Variants in INTS1 observed in about 807,000 individuals in gnomAD.
INTS1 encodes integrator complex subunit 1.
Under a neutral mutation model 241.6 loss-of-function variants are expected in INTS1, and 137 were observed. The observed-to-expected ratio is 0.57, with a 90% CI of 0.49 to 0.65. INTS1 has a LOEUF of 0.65. Among genes scored for constraint, INTS1 ranks in the 30% least tolerant of loss-of-function variants. INTS1 has a pLI of 0.00. For missense variants in INTS1, 3,073 were observed against 3,032.2 expected (o/e 1.01, Z -0.32); for synonymous variants, 1,692 against 1,337.8 (o/e 1.26, Z -5.78).
In INTS1 at chr7:1,470,680, A is replaced by C; in HGVS notation, c.6470T>G (p.Val2157Gly). Reference protein sequence around the residue: ...YALLCQEHAAVLLHRAFLVGM... With the variant: ...YALLCQEHAAGLLHRAFLVGM... The stretch of plus-strand genomic sequence containing the variant: ...CACCAGGAAGGCCCGGTGGAGCAGC[A>C]CAGCCGCGTGCTCTGTGGGGGAAAC... The change falls in exon 48 of 48, where the codon GTG becomes GGG. Residue 2157 changes from valine to glycine, a missense_variant. Coordinates refer to ENST00000404767, the MANE Select transcript of INTS1 (RefSeq NM_001080453.3). 4 of 1,562,426 alleles carry C rather than the reference A, an allele frequency of 2.6e-6. No homozygotes were observed. The highest frequency in any genetic ancestry group is 3.5e-6 in the Non-Finnish European group (4 of 1,154,376).
intron 17 of INTS1, 32 bp downstream of exon 17, chr7:1,489,559 G>A (rs762508708): frequency 9.1e-6 from 14 of 1,537,446 alleles, no homozygotes; most frequent in Middle Eastern, 3.4e-4. Flanking sequence ...GCAGGGCCAC[G>A]TGTGCGCATG....
chr7:1,484,627 G>T (rs1054455919), intron 24 of INTS1, among the ~76,000 whole-genome samples: 1 of 152,198 alleles, frequency 6.6e-6, no homozygotes, highest in Non-Finnish European at 1.5e-5. Flanking sequence ...CAGCGGGCAG[G>T]TGCCCAGCGA....
chr7:1,472,482 T>C, intron 43 of INTS1, 96 bp from the exon 44 acceptor site: 1 of 839,752 alleles, frequency 1.2e-6, no homozygotes, highest in South Asian at 1.8e-5. Flanking sequence ...CGGCGGCCAC[T>C]GCCCAGGCTC....
Position 1,499,979 on chromosome 7 carries a change from T to C in INTS1, c.589A>G (p.Lys197Glu). ...GACACCAGGCTGTTCCCCTTGGCCT[T>C]GAAGTTGATGGAGGCGTCCCGCCGC... is the stretch of plus-strand genomic sequence containing the variant. ...LLRRDASINF[K>E]AKGNSLVSVL... is the part of the protein sequence containing the mutation. The change falls in exon 5 of 48, where the codon AAG (lysine) becomes GAG (glutamate). Residue 197 changes from lysine to glutamate, a missense_variant. Lys to Glu is a moderately conservative substitution (Grantham distance 56). Transcript: ENST00000404767. 6.2e-7 allele frequency: 1 copy of C among 1,613,430 alleles called. No individual in the cohort carries two copies. The highest frequency in any genetic ancestry group is 1.1e-5 in the South Asian group (1 of 91,080).
intron 3 of INTS1, 132 bp downstream of exon 3, chr7:1,502,769 C>T: frequency 1.0e-5 from 10 of 986,158 alleles, no homozygotes; most frequent in Non-Finnish European, 1.5e-5. Context: ...CAAGAACAAG[C>T]CACAAACATC....
At position 1,473,075 on chromosome 7, in the gene INTS1, C is replaced by G. The variant is rs771242339; in HGVS notation, c.6067G>C (p.Glu2023Gln). The part of the protein sequence containing the change: ...RTDRGLDEEG[E>Q]EESSAGSLPL... ...AGCCCCTGGCAGCCCCACTCACCCTCGCCCTCTTCGTCCAGGCCTCGGTCG... is the reference window on the plus strand; with the variant it reads ...AGCCCCTGGCAGCCCCACTCACCCTGGCCCTCTTCGTCCAGGCCTCGGTCG... Residue 2023 changes from glutamate (E) to glutamine (Q), a missense_variant, in exon 43 of 48, where the codon GAG becomes CAG. By Grantham distance (29) the Glu-to-Gln change is conservative. Transcript: ENST00000404767. 1 of 1,599,716 alleles carries G rather than the reference C, an allele frequency of 6.3e-7. No homozygotes were observed. The highest frequency in any genetic ancestry group is 8.5e-7 in the Non-Finnish European group (1 of 1,170,856).
At chr7:1,490,281 C>G (rs1782483637) in intron 16 of INTS1, among the ~76,000 whole-genome samples, 1 of 152,220 alleles carries the variant, frequency 6.6e-6, no homozygotes, top group Non-Finnish European at 1.5e-5. Flanking sequence ...ACTCCAAACG[C>G]TACTGAAAGG....
chr7:1,496,942 T>G (rs1434443826), intron 11 of INTS1, among the ~76,000 whole-genome samples, 196 bp downstream of exon 11: 5 of 152,034 alleles, frequency 3.3e-5, no homozygotes, highest in African/African-American at 1.2e-4. Context: ...GGTCAGCCCC[T>G]CATAGGTCCT....
rs568798654 is a variant in INTS1 at position 1,473,386 on chromosome 7, A to T, written c.5957+180T>A. 2.0e-5 allele frequency among the ~76,000 whole-genome samples: 3 copies of T among 152,238 alleles called. No individual in the cohort carries two copies. In the South Asian group the frequency reaches 6.2e-4, roughly 32 times the overall value. On this transcript the variant is annotated intron_variant, in intron 42 of 47. Transcript: ENST00000404767. ...CAGAGAGCTGCAGGGGTGGGTTCAG[A>T]CGGCTTCGGCACAGGGTGGGGCGGC...
intron 16 of INTS1, among the ~76,000 whole-genome samples, chr7:1,490,022 A>G (rs1362716204): frequency 6.6e-6 from 1 of 152,228 alleles, no homozygotes; most frequent in Non-Finnish European, 1.5e-5. Context: ...AGATGGAATT[A>G]TTGTAACGAT....
rs369261776 is a variant in INTS1, at chr7:1,503,074, C to T, written c.176G>A (p.Arg59Gln). The change falls in exon 3 of 48, where the codon CGG becomes CAG. Residue 59 changes from arginine (R) to glutamine (Q), a missense_variant. Coordinates refer to ENST00000404767, the MANE Select transcript of INTS1 (RefSeq NM_001080453.3). ...APSGLPSERKRDAAAALSSAS... is the reference protein window; with the variant it reads ...APSGLPSERKQDAAAALSSAS... ...ACTGGACAACGCGGCCGCCGCATCC[C>T]GCTTGCGCTCAGAAGGCAGGCCGGA... 1.5e-5 allele frequency: 24 copies of T among 1,612,566 alleles called. No homozygotes were observed. The highest frequency in any genetic ancestry group is 2.2e-5 in the East Asian group (1 of 44,856).
At chr7:1,474,987 C>T (rs1210905892) in intron 39 of INTS1, 149 bp from the exon 40 acceptor site, 5 of 1,059,390 alleles carry the variant, frequency 4.7e-6, no homozygotes, top group South Asian at 1.7e-5. Context: ...ATGAGCACCT[C>T]GGGAGGGCAG....
intron 43 of INTS1, 77 bp from the exon 44 acceptor site, chr7:1,472,463 C>A: frequency 9.6e-7 from 1 of 1,044,692 alleles, no homozygotes; most frequent in South Asian, 1.6e-5. Flanking sequence ...ACCTGCCCTC[C>A]CGAGAGCACG....
At chr7:1,488,381 G>A (rs1391548340) in intron 18 of INTS1, among the ~76,000 whole-genome samples, 2 of 152,118 alleles carry the variant, frequency 1.3e-5, no homozygotes, top group Admixed American at 6.5e-5. Context: ...ACGTGGCTTC[G>A]GCGTGTTCCA....
rs767324323 is a variant in INTS1, at chr7:1,470,853, C to G, written c.6450G>C (p.Leu2150=). The change falls in exon 47 of 48, where the codon CTG becomes CTC. Residue 2150 remains leucine, a synonymous_variant. Coordinates refer to ENST00000404767, the MANE Select transcript of INTS1 (RefSeq NM_001080453.3). ...CGGGGGGCCAGTCCTCACCTTGGCA[C>G]AGGAGAGCGTACTCAGGCAGGTTCC... is the stretch of plus-strand genomic sequence containing the variant. The part of the protein sequence containing the change: ...ALRNLPEYAL[L]CQEHAAVLLH... 1.3e-6 allele frequency: 2 copies of G among 1,588,376 alleles called. No individual in the cohort carries two copies. Among genetic ancestry groups the G allele is most frequent in the East Asian group, 2.3e-5 (1 of 43,262 alleles).
chr7:1,475,467 T>C (rs916706059), intron 39 of INTS1, among the ~76,000 whole-genome samples: 1 of 151,792 alleles, frequency 6.6e-6, no homozygotes, highest in Non-Finnish European at 1.5e-5. Flanking sequence ...CAGAAATGAT[T>C]AGAGAAAGTC....
At chr7:1,484,252 G>A (rs536693391) in intron 24 of INTS1, 82 bp from the exon 25 acceptor site, 11 of 1,401,788 alleles carry the variant, frequency 7.8e-6, no homozygotes, top group South Asian at 2.6e-5. Context: ...TCGCAGGCAC[G>A]CTCTCACTGG....
At chr7:1,479,293 C>T (rs573099227) in intron 31 of INTS1, 137 bp downstream of exon 31, 27 of 1,085,296 alleles carry the variant, frequency 2.5e-5, no homozygotes, top group Non-Finnish European at 3.9e-6. Flanking sequence ...CCGCCACTCC[C>T]TGGGGCACTG....
intron 2 of INTS1, 43 bp downstream of exon 2, chr7:1,503,860 C>CCCCCAAAGAT (rs1562527408): frequency 6.8e-7 from 1 of 1,463,488 alleles, no homozygotes; most frequent in Admixed American, 2.0e-5. Context: ...CCCCCAAAGA[C>CCCCCAAAGAT]CCCCAAAGAC....
Sources: allele counts gnomAD v4.1 joint callset (sites outside exome capture counted in the v4.1 genomes callset), GRCh38; gene constraint gnomAD v4.1.1; transcripts MANE v1.5; gene names NCBI Gene and HGNC (gene_info 2026-07-23, HGNC 2026-07-21).